HPD: variants seen among roughly 807,000 people sequenced by gnomAD.
HPD encodes 4-hydroxyphenylpyruvate dioxygenase.
HPD carries 35 observed loss-of-function variants against 56.9 expected under a neutral mutation model. That is an observed-to-expected ratio of 0.62 (90% CI 0.47 to 0.82). The LOEUF (loss-of-function observed/expected upper bound fraction) is 0.82, where lower values mean the gene tolerates loss of function less well. HPD is among the 40% of genes least tolerant of loss of function. The pLI is 0.00. For synonymous variants in HPD, 186 were observed against 200.2 expected (o/e 0.93, Z 0.60); for missense variants, 442 against 506.8 (o/e 0.87, Z 1.23).
the HPD span, chr12:121,874,157 A>G: frequency 6.6e-6 from 1 of 152,108 alleles, no homozygotes. Context: ...TGCCCATTTT[A>G]TCTCTCAGCT....
upstream of HPD, chr12:121,859,023 A>C (rs527435143): frequency 1.9e-3 from 1,183 of 630,702 alleles, 18 homozygotes; most frequent in Non-Finnish European, 1.6e-4. Context: ...TGGTGTTGCC[A>C]GGCCCAGAGA....
At chr12:121,858,956 C>T, upstream of HPD, 1 of 1,034,214 alleles carries the variant, frequency 9.7e-7, no homozygotes, top group East Asian at 2.4e-5. Flanking sequence ...TGAGCCCAGC[C>T]CTGGAAGGTT....
At chr12:121,857,100 G>C (rs1318684511) in intron 4 of HPD, 3 of 546,000 alleles carry the variant, frequency 5.5e-6, no homozygotes, top group Non-Finnish European at 9.9e-6. Flanking sequence ...TTTTTGTTGA[G>C]ATGGAGTCTT....
chr12:121,857,887 A>T (rs1878064605), intron 2 of HPD, 68 bp from the exon 3 acceptor site: 4 of 1,212,808 alleles, frequency 3.3e-6, no homozygotes, highest in Middle Eastern at 1.9e-4. Flanking sequence ...GGGTGGAGTG[A>T]TGTCCCCTAG....
the HPD span, among the ~76,000 whole-genome samples, chr12:121,878,394 G>A: frequency 6.6e-6 from 1 of 152,170 alleles, no homozygotes; most frequent in Non-Finnish European, 1.5e-5. Context: ...TGTCGCCCAG[G>A]CTGGGGTATA....
chr12:121,857,611 G>A (rs1878052045), intron 3 of HPD, 146 bp downstream of exon 3: 1 of 835,994 alleles, frequency 1.2e-6, no homozygotes, highest in Non-Finnish European at 2.0e-6. Context: ...TCCCGCTGGT[G>A]TAATTAGGAT....
chr12:121,861,517 G>A (rs545493598), upstream of HPD, among the ~76,000 whole-genome samples: 2 of 151,770 alleles, frequency 1.3e-5, no homozygotes, highest in East Asian at 3.9e-4. Context: ...AAAGAAATAA[G>A]TAAGTAAGTA....
chr12:121,861,693 C>T (rs1447193365), upstream of HPD, among the ~76,000 whole-genome samples: 1 of 152,078 alleles, frequency 6.6e-6, no homozygotes, highest in Non-Finnish European at 1.5e-5. Flanking sequence ...CCTTGTGAAA[C>T]CACACAGCTG....
upstream of HPD, among the ~76,000 whole-genome samples, chr12:121,859,624 G>GA (rs1249231650): frequency 6.6e-6 from 1 of 152,226 alleles, no homozygotes; most frequent in African/African-American, 2.4e-5. Context: ...GGGAAACTGA[G>GA]GCCTGGAGAG....
In HPD at chr12:121,847,229, G is replaced by A. The variant is rs1877618664; in HGVS notation, c.597-15C>T. ...TTTTCAGGTACCTGTAGGGTGGGCG[G>A]TGGAACACATATGCTCTGAGCGCCT... is the stretch of plus-strand genomic sequence containing the variant. On this transcript the variant is annotated splice_polypyrimidine_tract_variant and intron_variant, in intron 9 of 13. Transcript: ENST00000289004. 1 of 1,613,792 alleles carries A rather than the reference G, an allele frequency of 6.2e-7. No homozygotes were observed. Among genetic ancestry groups the A allele is most frequent in the Non-Finnish European group, 8.5e-7 (1 of 1,179,848 alleles).
chr12:121,884,172 T>C, the HPD span, among the ~76,000 whole-genome samples: 1 of 2,618 alleles, frequency 3.8e-4, no homozygotes, highest in South Asian at 8.6e-3. Flanking sequence ...TTTTCCTCTC[T>C]TTTTTTTTTT....
chr12:121,846,279 C>T (rs751015584), intron 11 of HPD, among the ~76,000 whole-genome samples: 4 of 152,128 alleles, frequency 2.6e-5, no homozygotes, highest in Non-Finnish European at 5.9e-5. Context: ...TACAGTGGTG[C>T]GACCTTGGCT....
At chr12:121,849,164 A>C in intron 8 of HPD, 88 bp from the exon 9 acceptor site, 147 of 801,096 alleles carry the variant, frequency 1.8e-4, no homozygotes, top group Non-Finnish European at 3.1e-4. Context: ...ATAATAGCTC[A>C]CACTTCTGTT....
At chr12:121,864,554 T>A (rs1263478340), upstream of HPD, among the ~76,000 whole-genome samples, 2 of 130,954 alleles carry the variant, frequency 1.5e-5, no homozygotes, top group Non-Finnish European at 3.2e-5. Context: ...CCCTGACTAT[T>A]AAAAAAAAAA....
upstream of HPD, among the ~76,000 whole-genome samples, chr12:121,866,460 T>C (rs1306055736): frequency 6.6e-6 from 1 of 152,022 alleles, no homozygotes; most frequent in Non-Finnish European, 1.5e-5. Flanking sequence ...CAGATGGTTT[T>C]AATTTTGTTC....
chr12:121,848,961 C>G, intron 9 of HPD, 38 bp downstream of exon 9: 1 of 1,483,844 alleles, frequency 6.7e-7, no homozygotes, highest in East Asian at 2.3e-5. Flanking sequence ...CGTGAGGACC[C>G]GTCATCTTCA....
chr12:121,857,757 C>G lies in HPD; in HGVS notation c.93G>C (p.Gln31His), dbSNP rs147456937. The G allele has an allele frequency of 1.9e-6, 3 of 1,613,488 alleles. No homozygotes were observed. Among genetic ancestry groups the G allele is most frequent in the Non-Finnish European group, 2.5e-6 (3 of 1,179,542 alleles). The change falls in exon 3 of 14, where the codon CAG becomes CAC. Residue 31 changes from glutamine to histidine, a missense_variant and splice_region_variant. Coordinates refer to ENST00000289004, the MANE Select transcript of HPD (RefSeq NM_002150.3). ...SVTFWVGNAK[Q>H]ATSFYCSKMG... ...TCCAGCACCTTGCCCCGGCTTCTAC[C>G]TGCTTGGCGTTGCCAACCCAGAAGG...
the HPD span, among the ~76,000 whole-genome samples, chr12:121,878,769 G>C: frequency 2.0e-5 from 3 of 151,016 alleles, no homozygotes; most frequent in South Asian, 2.1e-4. Context: ...AAAATCCTGG[G>C]CTCAAGTGAT....
the HPD span, among the ~76,000 whole-genome samples, chr12:121,884,145 T>C: frequency 6.6e-6 from 1 of 151,338 alleles, no homozygotes; most frequent in Non-Finnish European, 1.5e-5. Context: ...ATGTATTGCA[T>C]TTAGTCATCG....
Sources: allele counts gnomAD v4.1 joint callset (sites outside exome capture counted in the v4.1 genomes callset), GRCh38; gene constraint gnomAD v4.1.1; transcripts MANE v1.5; gene names NCBI Gene and HGNC (gene_info 2026-07-23, HGNC 2026-07-21).